Variants in ZFAND3 observed in about 807,000 individuals in gnomAD.
ZFAND3 encodes zinc finger AN1-type containing 3.
ZFAND3 carries 10 observed loss-of-function variants against 29.6 expected under a neutral mutation model. The ratio of observed to expected loss-of-function variants is 0.34; its 90% CI spans 0.21 to 0.57. The LOEUF (loss-of-function observed/expected upper bound fraction) is 0.57, where lower values mean the gene tolerates loss of function less well. ZFAND3 is among the 20% of genes least tolerant of loss of function. The pLI is 0.86. For missense variants in ZFAND3, 230 were observed against 304.5 expected (o/e 0.76, Z 1.82); for synonymous variants, 128 against 112.6 (o/e 1.14, Z -0.87).
At position 38,087,285 on chromosome 6, in the gene ZFAND3, A is replaced by ATTTC. The variant is rs568617349; in HGVS notation, c.361+4831_361+4834dup. Among the ~76,000 whole-genome samples, 99 of 152,264 alleles carry ATTTC rather than the reference A, an allele frequency of 6.5e-4. 2 individuals are homozygous for ATTTC. In the South Asian group the frequency reaches 0.02, roughly 31 times the overall value. ...ATCCAGGACATTGGTCTGGGCAAAA[A>ATTTC]TTTCTTGAGCATACCCCACAAGCAC... On this transcript the variant is annotated intron_variant, in intron 4 of 5. Coordinates refer to ENST00000287218, the MANE Select transcript of ZFAND3 (RefSeq NM_021943.3).
chr6:37,992,544 C>G (rs954345806), intron 2 of ZFAND3, among the ~76,000 whole-genome samples: 1 of 152,066 alleles, frequency 6.6e-6, no homozygotes, highest in Non-Finnish European at 1.5e-5. Context: ...TGTCTTGTAG[C>G]TGGTTGCAAA....
intron 2 of ZFAND3, among the ~76,000 whole-genome samples, chr6:37,973,885 A>G (rs1039534006): frequency 6.6e-6 from 1 of 152,200 alleles, no homozygotes; most frequent in African/African-American, 2.4e-5. Flanking sequence ...TTGACGAGCA[A>G]TACAGTGGCC....
intron 2 of ZFAND3, among the ~76,000 whole-genome samples, chr6:38,051,473 G>A (rs953445989): frequency 1.3e-5 from 2 of 152,160 alleles, no homozygotes; most frequent in African/African-American, 2.4e-5. Flanking sequence ...CAGCAGTTAC[G>A]TTCATGCCAC....
intron 1 of ZFAND3, among the ~76,000 whole-genome samples, chr6:37,910,807 C>T (rs964015080): frequency 2.0e-5 from 3 of 152,142 alleles, no homozygotes; most frequent in South Asian, 4.1e-4. Context: ...ATTTGTCATT[C>T]GGTGTCTGGC....
intron 1 of ZFAND3, among the ~76,000 whole-genome samples, chr6:37,848,670 T>C (rs1005892685): frequency 3.9e-5 from 6 of 152,258 alleles, no homozygotes; most frequent in Admixed American, 3.9e-4. Flanking sequence ...GCCATGAAAC[T>C]TACAAACTGG....
intron 5 of ZFAND3, among the ~76,000 whole-genome samples, chr6:38,118,683 A>G (rs1765467133): frequency 6.6e-6 from 1 of 150,846 alleles, no homozygotes; most frequent in Non-Finnish European, 1.5e-5. Flanking sequence ...CTAAAGATGT[A>G]ACCAGGTCTC....
intron 5 of ZFAND3, among the ~76,000 whole-genome samples, chr6:38,124,936 G>C (rs573178055): frequency 1.3e-5 from 2 of 152,340 alleles, no homozygotes; most frequent in African/African-American, 4.8e-5. Context: ...TTTATATGCT[G>C]AGTCTGGGTG....
chr6:38,060,366 C>G (rs771781296), intron 2 of ZFAND3, among the ~76,000 whole-genome samples: 23 of 151,556 alleles, frequency 1.5e-4, no homozygotes, highest in Non-Finnish European at 2.5e-4. Context: ...TTCATCCTCT[C>G]CTCTCCCCTC....
chr6:37,922,012 C>A (rs1051542850), intron 1 of ZFAND3, among the ~76,000 whole-genome samples: 1 of 151,574 alleles, frequency 6.6e-6, no homozygotes, highest in East Asian at 1.9e-4. Context: ...CACAGTGAGC[C>A]GAGATCACAC....
chr6:37,893,828 A>G (rs1765148115), intron 1 of ZFAND3, among the ~76,000 whole-genome samples: 1 of 151,394 alleles, frequency 6.6e-6, no homozygotes, highest in African/African-American at 2.4e-5. Context: ...TGCTGGGATT[A>G]CAGGGGTGAG....
Position 38,004,640 on chromosome 6 carries a change from C to G in ZFAND3, c.113-56953C>G, listed in dbSNP as rs16890305. Among the ~76,000 whole-genome samples, 2,585 of 152,064 alleles carry G rather than the reference C, an allele frequency of 0.017. 254 individuals are homozygous for G. In the East Asian group the frequency reaches 0.28, roughly 16 times the overall value. On this transcript the variant is annotated intron_variant, in intron 2 of 5. Coordinates refer to ENST00000287218, the MANE Select transcript of ZFAND3 (RefSeq NM_021943.3). ...CATTTATACTTTGATCCTATATTTTCTAAATTTTCAATAATAGAATATGCA... is the reference window on the plus strand; with the variant it reads ...CATTTATACTTTGATCCTATATTTTGTAAATTTTCAATAATAGAATATGCA...
chr6:38,076,096 A>G (rs1487585993), intron 3 of ZFAND3, among the ~76,000 whole-genome samples: 1 of 151,988 alleles, frequency 6.6e-6, no homozygotes, highest in Non-Finnish European at 1.5e-5. Flanking sequence ...CCCATTTTTC[A>G]GCAGCTACCA....
chr6:38,135,146 CAAAAG>C (rs1765814821), intron 5 of ZFAND3, among the ~76,000 whole-genome samples: 1 of 152,126 alleles, frequency 6.6e-6, no homozygotes, highest in Non-Finnish European at 1.5e-5. Flanking sequence ...CCCAGAGACT[CAAAAG>C]GAACAAGCCC....
At chr6:37,828,188 C>T (rs1763793527) in intron 1 of ZFAND3, among the ~76,000 whole-genome samples, 1 of 152,236 alleles carries the variant, frequency 6.6e-6, no homozygotes. Context: ...ATATCACAAA[C>T]ACTCTTCCTG....
At chr6:38,033,369 CAAGTTGA>C (rs1452494450) in intron 2 of ZFAND3, among the ~76,000 whole-genome samples, 2 of 151,998 alleles carry the variant, frequency 1.3e-5, no homozygotes, top group African/African-American at 2.4e-5. Context: ...CTGTGTAAAT[CAAGTTGA>C]AATGTTTCTC....
chr6:38,016,699 A>G (rs1763258299), intron 2 of ZFAND3, among the ~76,000 whole-genome samples: 1 of 152,242 alleles, frequency 6.6e-6, no homozygotes, highest in Non-Finnish European at 1.5e-5. Context: ...ATGTAAAGGT[A>G]GATATAGGTA....
At chr6:38,064,688 A>G (rs988190322) in intron 3 of ZFAND3, among the ~76,000 whole-genome samples, 2 of 132,534 alleles carry the variant, frequency 1.5e-5, no homozygotes, top group African/African-American at 2.9e-5. Context: ...TTTTTTTTTA[A>G]TATGAATACC....
intron 2 of ZFAND3, among the ~76,000 whole-genome samples, chr6:38,028,134 A>G (rs181892159): frequency 6.4e-4 from 97 of 152,302 alleles, no homozygotes; most frequent in South Asian, 2.5e-3. Flanking sequence ...TAGAATGACA[A>G]TCAGTTCCAA....
intron 1 of ZFAND3, among the ~76,000 whole-genome samples, chr6:37,889,640 C>T (rs748125860): frequency 1.3e-5 from 2 of 152,138 alleles, no homozygotes; most frequent in Non-Finnish European, 2.9e-5. Context: ...GCCTGTGAGA[C>T]CCAGTGTGCT....
Sources: gnomAD v4.1 joint callset for allele counts (sites outside exome capture counted in the v4.1 genomes callset) on GRCh38, gnomAD v4.1.1 for gene constraint, MANE v1.5 for transcripts, NCBI Gene and HGNC (gene_info 2026-07-23, HGNC 2026-07-21) for gene names.